Variants in MARCHF1 observed in about 807,000 individuals in gnomAD.
MARCHF1 encodes membrane associated ring-CH-type finger 1.
A neutral mutation model predicts 54.2 loss-of-function variants in MARCHF1; 40 were observed. That is an observed-to-expected ratio of 0.74 (90% confidence interval 0.57 to 0.96). The LOEUF is 0.96. Ranked by LOEUF, MARCHF1 falls within the 40% of genes least tolerant of loss-of-function variation. MARCHF1 has a pLI of 0.00. For synonymous variants in MARCHF1, 236 were observed against 236.3 expected (o/e 1.00, Z 0.01); for missense variants, 586 against 656.5 (o/e 0.89, Z 1.17).
At chr4:163,993,076 G>A (rs928640870) in intron 2 of MARCHF1, among the ~76,000 whole-genome samples, 6 of 151,992 alleles carry the variant, frequency 3.9e-5, no homozygotes, top group African/African-American at 1.4e-4. Context: ...AGACGGAGAA[G>A]GAACTTGAAT....
In MARCHF1 at chr4:163,775,252, T is replaced by C. The variant is rs753931341; in HGVS notation, c.112-74389A>G. ...AGCATGCTTTGCTTGCTTACTTCTTTCCCATTTTTACTCATATGCCACTTT... is the reference window on the plus strand; with the variant it reads ...AGCATGCTTTGCTTGCTTACTTCTTCCCCATTTTTACTCATATGCCACTTT... On this transcript the variant is annotated intron_variant, in intron 4 of 9. Transcript: ENST00000514618. Among the ~76,000 whole-genome samples the C allele has an allele frequency of 1.5e-4, 23 of 152,314 alleles. 1 individual carries two copies. The highest frequency in any genetic ancestry group is 2.9e-4 in the Non-Finnish European group (20 of 68,020).
chr4:164,161,314 T>C lies in MARCHF1; in HGVS notation c.-322-49652A>G, dbSNP rs185317711. On this transcript the variant is annotated intron_variant, in intron 1 of 9. Transcript: ENST00000514618. ...GCTCCCCCTTCACCTTCTGCCATGATTGTAAGTTTCATGAGGCCTCCCCAG... is the reference window on the plus strand; with the variant it reads ...GCTCCCCCTTCACCTTCTGCCATGACTGTAAGTTTCATGAGGCCTCCCCAG... 4.7e-4 allele frequency among the ~76,000 whole-genome samples: 71 copies of C among 152,204 alleles called. No individual in the cohort carries two copies. The Middle Eastern group carries it at 0.01, about 22-fold the overall frequency.
intron 2 of MARCHF1, among the ~76,000 whole-genome samples, chr4:164,072,528 G>C (rs114936671): frequency 2.0e-5 from 3 of 151,858 alleles, no homozygotes; most frequent in Non-Finnish European, 4.4e-5. Context: ...GCCACCACAC[G>C]CCAGCCTAGG....
chr4:163,541,616 T>TA (rs971073480), intron 9 of MARCHF1, among the ~76,000 whole-genome samples: 10 of 152,150 alleles, frequency 6.6e-5, no homozygotes, highest in Admixed American at 5.2e-4. Flanking sequence ...TTTACAGACA[T>TA]ATGAGGAATT....
intron 4 of MARCHF1, among the ~76,000 whole-genome samples, chr4:163,801,126 A>T (rs1748070356): frequency 6.6e-6 from 1 of 152,044 alleles, no homozygotes; most frequent in Admixed American, 6.6e-5. Flanking sequence ...TGGTGATATC[A>T]TCATGACGGC....
chr4:163,887,537 T>C (rs954123515), intron 3 of MARCHF1, among the ~76,000 whole-genome samples: 7 of 152,168 alleles, frequency 4.6e-5, no homozygotes, highest in Admixed American at 3.9e-4. Flanking sequence ...ATTCCTATCC[T>C]GCTGAATCAG....
intron 2 of MARCHF1, among the ~76,000 whole-genome samples, chr4:163,993,931 A>G (rs1753014297): frequency 6.6e-6 from 1 of 152,168 alleles, no homozygotes; most frequent in African/African-American, 2.4e-5. Context: ...GACATATGGA[A>G]TGAAAATTTT....
At chr4:164,251,936 T>G (rs1056640872) in intron 1 of MARCHF1, among the ~76,000 whole-genome samples, 1 of 152,138 alleles carries the variant, frequency 6.6e-6, no homozygotes, top group African/African-American at 2.4e-5. Flanking sequence ...AAAATTATTT[T>G]TATTTGATTA....
At chr4:163,853,928 G>T in intron 4 of MARCHF1, 93 bp downstream of exon 4, 4 of 1,096,194 alleles carry the variant, frequency 3.6e-6, no homozygotes, top group Non-Finnish European at 5.1e-6. Context: ...TGTAAACAAC[G>T]ATAACATTTA....
At chr4:163,844,450 G>A (rs140617152) in intron 4 of MARCHF1, among the ~76,000 whole-genome samples, 1 of 151,962 alleles carries the variant, frequency 6.6e-6, no homozygotes, top group Non-Finnish European at 1.5e-5. Flanking sequence ...AACAATTTTT[G>A]TTTTTGTTGC....
intron 4 of MARCHF1, among the ~76,000 whole-genome samples, chr4:163,750,134 G>A (rs964551144): frequency 1.3e-5 from 2 of 151,526 alleles, no homozygotes; most frequent in African/African-American, 4.9e-5. Flanking sequence ...TCATTTTTGT[G>A]AATGAATGGT....
chr4:163,607,951 C>CTT (rs1387553193), intron 7 of MARCHF1, among the ~76,000 whole-genome samples: 1 of 152,120 alleles, frequency 6.6e-6, no homozygotes, highest in Non-Finnish European at 1.5e-5. Flanking sequence ...GTAGAGTATT[C>CTT]TTTCCATGTT....
At chr4:163,958,070 C>T (rs1432259588) in intron 3 of MARCHF1, among the ~76,000 whole-genome samples, 1 of 152,050 alleles carries the variant, frequency 6.6e-6, no homozygotes, top group Non-Finnish European at 1.5e-5. Context: ...CCTTTTATCC[C>T]TCACTTCTGC....
At chr4:163,897,674 C>A (rs562117364) in intron 3 of MARCHF1, among the ~76,000 whole-genome samples, 2 of 152,104 alleles carry the variant, frequency 1.3e-5, no homozygotes, top group African/African-American at 4.8e-5. Flanking sequence ...CATATGCAGA[C>A]AAATGGAAAT....
At chr4:164,041,772 C>T (rs567478500) in intron 2 of MARCHF1, among the ~76,000 whole-genome samples, 6 of 152,180 alleles carry the variant, frequency 3.9e-5, no homozygotes, top group African/African-American at 1.2e-4. Flanking sequence ...TTGCAGAAAC[C>T]CTCCTTATGA....
intron 1 of MARCHF1, among the ~76,000 whole-genome samples, chr4:164,156,099 G>A (rs1368290721): frequency 3.3e-5 from 5 of 152,112 alleles, no homozygotes; most frequent in Non-Finnish European, 5.9e-5. Context: ...ATTTACTCCA[G>A]AATTACCTAG....
chr4:163,637,429 G>A (rs13108107), intron 5 of MARCHF1, among the ~76,000 whole-genome samples: 44,231 of 151,760 alleles, frequency 0.29, 7,990 homozygotes, highest in Non-Finnish European at 0.4. Context: ...AAAAGTGGGC[G>A]AAGGACATGA....
At chr4:164,091,021 C>G (rs939501228) in intron 2 of MARCHF1, among the ~76,000 whole-genome samples, 1 of 152,102 alleles carries the variant, frequency 6.6e-6, no homozygotes, top group Non-Finnish European at 1.5e-5. Flanking sequence ...CTAGGAGAAT[C>G]TCTGGCCTCA....
intron 5 of MARCHF1, among the ~76,000 whole-genome samples, chr4:163,663,292 G>A (rs903324818): frequency 1.4e-5 from 2 of 141,586 alleles, no homozygotes; most frequent in Non-Finnish European, 3.0e-5. Context: ...TTTATCTTCT[G>A]TTTCTGCCTG....
Sources: allele counts gnomAD v4.1 joint callset (sites outside exome capture counted in the v4.1 genomes callset), GRCh38; gene constraint gnomAD v4.1.1; transcripts MANE v1.5; gene names NCBI Gene and HGNC (gene_info 2026-07-23, HGNC 2026-07-21).